Variants in GFPT1 observed in about 807,000 individuals in gnomAD.
GFPT1 encodes the protein glutamine--fructose-6-phosphate transaminase 1.
GFPT1 carries 40 observed loss-of-function variants against 92.0 expected under a neutral mutation model. The ratio of observed to expected loss-of-function variants is 0.43; its 90% confidence interval spans 0.34 to 0.57. GFPT1 has a LOEUF of 0.57. Among genes scored for constraint, GFPT1 ranks in the 20% least tolerant of loss-of-function variants. The probability of loss-of-function intolerance (pLI) is 0.02; values close to 1 mark genes in which losing one functional copy is unlikely to be tolerated. For missense variants in GFPT1, 448 were observed against 869.1 expected (o/e 0.52, Z 6.09); for synonymous variants, 269 against 280.6 (o/e 0.96, Z 0.41).
intron 1 of GFPT1, among the ~76,000 whole-genome samples, chr2:69,385,730 G>T (rs1356091939): frequency 1.3e-5 from 2 of 152,022 alleles, no homozygotes; most frequent in East Asian, 3.9e-4. Flanking sequence ...CAAACTAAAT[G>T]CAAAACCATT....
intron 4 of GFPT1, among the ~76,000 whole-genome samples, chr2:69,360,725 C>A (rs1401299253): frequency 6.6e-6 from 1 of 152,050 alleles, no homozygotes; most frequent in Non-Finnish European, 1.5e-5. Flanking sequence ...GCCACTATGC[C>A]AGGCCAAAAT....
intron 9 of GFPT1, among the ~76,000 whole-genome samples, chr2:69,352,875 G>GTAT (rs1424328929): frequency 6.6e-6 from 1 of 151,288 alleles, no homozygotes; most frequent in African/African-American, 2.4e-5. Context: ...GCGAAACCCC[G>GTAT]TCTCTACTAA....
At chr2:69,373,883 A>T in intron 2 of GFPT1, 123 bp downstream of exon 2, 1 of 580,828 alleles carries the variant, frequency 1.7e-6, no homozygotes, top group Non-Finnish European at 3.2e-6. Flanking sequence ...AAAAGACAAA[A>T]ATTCTTCCAA....
rs564680547 is a variant in GFPT1 at position 69,325,473 on chromosome 2, T to C, written c.*716A>G. The stretch of plus-strand genomic sequence containing the variant: ...TTCAAATTTAAAATCATATTGTCAG[T>C]TGTCCAAAGCAGCTTGAATTTAAAG... On this transcript the variant is annotated 3_prime_UTR_variant, in exon 20 of 20. Transcript: ENST00000357308. The C allele has an allele frequency of 3.9e-5, 6 of 152,276 alleles. No individual in the cohort carries two copies. Among genetic ancestry groups the C allele is most frequent in the African/African-American group, 1.2e-4 (5 of 41,578 alleles). The allele number at this position is 152,276 out of a possible 1,614,324, so 9.4% of individuals were successfully genotyped here.
chr2:69,363,906 G>A (rs1671541957), intron 3 of GFPT1, among the ~76,000 whole-genome samples: 1 of 152,158 alleles, frequency 6.6e-6, no homozygotes, highest in African/African-American at 2.4e-5. Context: ...CCTGAGGTCA[G>A]GAGTTCAAGA....
intron 13 of GFPT1, among the ~76,000 whole-genome samples, chr2:69,340,271 T>A (rs1670911679): frequency 1.3e-5 from 2 of 151,488 alleles, no homozygotes; most frequent in African/African-American, 4.9e-5. Context: ...CAAGTGATCC[T>A]CCTGCCCCAG....
intron 18 of GFPT1, among the ~76,000 whole-genome samples, chr2:69,327,827 G>A (rs565674052): frequency 1.3e-5 from 2 of 152,076 alleles, no homozygotes; most frequent in Non-Finnish European, 2.9e-5. Flanking sequence ...TCTGGGCCAG[G>A]CGGGGTGGCT....
intron 4 of GFPT1, among the ~76,000 whole-genome samples, chr2:69,360,442 A>T (rs78846976): frequency 0.024 from 3,516 of 144,284 alleles, 103 homozygotes; most frequent in African/African-American, 0.067. Context: ...TTATCAAAAT[A>T]TTTTTTTTTT....
At chr2:69,370,922 C>T (rs1001146705) in intron 2 of GFPT1, among the ~76,000 whole-genome samples, 1 of 151,510 alleles carries the variant, frequency 6.6e-6, no homozygotes, top group African/African-American at 2.4e-5. Flanking sequence ...ATGGCTTGAA[C>T]CCGAGAGGTG....
chr2:69,383,951 C>T (rs1672067272), intron 1 of GFPT1, among the ~76,000 whole-genome samples: 2 of 152,022 alleles, frequency 1.3e-5, no homozygotes, highest in Admixed American at 6.6e-5. Context: ...TTATATACAC[C>T]GTCGAATCAG....
chr2:69,340,695 C>G (rs1670928527), intron 13 of GFPT1, among the ~76,000 whole-genome samples: 1 of 150,012 alleles, frequency 6.7e-6, no homozygotes, highest in South Asian at 2.1e-4. Flanking sequence ...AAATGTAAAA[C>G]AGGATAAAAT....
At chr2:69,327,135 C>G in intron 18 of GFPT1, 60 bp from the exon 19 acceptor site, 1 of 1,525,684 alleles carries the variant, frequency 6.6e-7, no homozygotes, top group Non-Finnish European at 9.1e-7. Context: ...AGGGCTATAG[C>G]TTACGAATGT....
chr2:69,370,183 T>A (rs1217592938), intron 2 of GFPT1, 75 bp from the exon 3 acceptor site: 6 of 854,948 alleles, frequency 7.0e-6, no homozygotes, highest in Non-Finnish European at 1.2e-5. Context: ...AGGCAAAATT[T>A]TTAATTAAAA....
Position 69,329,329 on chromosome 2 carries a change from A to G in GFPT1, c.1693T>C (p.Tyr565His). ...CCTTCAAGACAAGTAGCATAATGAT[A>G]GCCTCGTCCCATTATCAGAACTGAC... ...QKSVLIMGRG[Y>H]HYATCLEGAL... The change falls in exon 17 of 20, where the codon TAT becomes CAT. Residue 565 changes from tyrosine (Y) to histidine (H), a missense_variant. Around this residue, in one of 7 missense-constraint regions of GFPT1, gnomAD observed 73 missense variants for 103.5 expected, o/e 0.71. Transcript: ENST00000357308. 1 of 1,613,730 alleles carries G rather than the reference A, an allele frequency of 6.2e-7. No individual in the cohort carries two copies. The highest frequency in any genetic ancestry group is 8.5e-7 in the Non-Finnish European group (1 of 1,179,628).
intron 1 of GFPT1, among the ~76,000 whole-genome samples, chr2:69,377,521 G>C (rs759887476): frequency 8.6e-5 from 13 of 150,966 alleles, no homozygotes; most frequent in Non-Finnish European, 1.5e-4. Flanking sequence ...ATAGCCAGCT[G>C]TGGTGGCACG....
In GFPT1 at chr2:69,380,618, C is replaced by T. The variant is rs186065599; in HGVS notation, c.7+6447G>A. 1.0e-3 allele frequency among the ~76,000 whole-genome samples: 157 copies of T among 152,296 alleles called. 1 individual carries two copies. The highest frequency in any genetic ancestry group is 1.8e-3 in the Non-Finnish European group (120 of 68,026). The stretch of plus-strand genomic sequence containing the variant: ...CTTTCTTGAGAAAAAAAAGCATGTA[C>T]TTCCTGCTCACAATCTTCAAATATT... On this transcript the variant is annotated intron_variant, in intron 1 of 19. Transcript: ENST00000357308.
chr2:69,345,133 G>A (rs1412968060), intron 12 of GFPT1, among the ~76,000 whole-genome samples: 3 of 152,150 alleles, frequency 2.0e-5, no homozygotes, highest in African/African-American at 7.2e-5. Flanking sequence ...GTACATGCCT[G>A]TAATCCCAGC....
chr2:69,338,067 G>C lies in GFPT1; in HGVS notation c.1325-12C>G. Reference sequence around the variant, plus strand: ...ATCTGCTGTCTCACCTGTGTAAAAAGTAGGCCAACCATAACACACAGAACA... The same window carrying C: ...ATCTGCTGTCTCACCTGTGTAAAAACTAGGCCAACCATAACACACAGAACA... On this transcript the variant is annotated splice_polypyrimidine_tract_variant and intron_variant, in intron 14 of 19. Coordinates refer to ENST00000357308, the MANE Select transcript of GFPT1 (RefSeq NM_001244710.2). 1 of 1,613,646 alleles carries C rather than the reference G, an allele frequency of 6.2e-7. No individual in the cohort carries two copies. The highest frequency in any genetic ancestry group is 8.5e-7 in the Non-Finnish European group (1 of 1,179,578).
chr2:69,348,029 C>G, intron 11 of GFPT1, 142 bp downstream of exon 11: 6 of 724,916 alleles, frequency 8.3e-6, no homozygotes, highest in Non-Finnish European at 1.2e-5. Flanking sequence ...AAGAATCATC[C>G]CTTTTCCTAG....
Sources: gnomAD v4.1 joint callset for allele counts (sites outside exome capture counted in the v4.1 genomes callset) on GRCh38, gnomAD v4.1.1 for gene constraint, gnomAD v4.1.1 regional missense constraint, MANE v1.5 for transcripts, NCBI Gene and HGNC (gene_info 2026-07-23, HGNC 2026-07-21) for gene names.